The following NOP9 variants were observed in gnomAD, a reference collection of about 807,000 sequenced individuals.
The protein encoded by NOP9 is nucleolar protein 9.
A neutral mutation model predicts 63.0 loss-of-function variants in NOP9; 50 were observed. That is an observed-to-expected ratio of 0.79 (90% CI 0.63 to 1.00). NOP9 has a LOEUF of 1.00. Among genes scored for constraint, NOP9 ranks in the 50% least tolerant of loss-of-function variants. NOP9 has a pLI of 0.00. For synonymous variants in NOP9, 343 were observed against 332.8 expected, an observed-to-expected ratio of 1.03 and a Z score of -0.33; for missense variants, 758 against 803.0, an observed-to-expected ratio of 0.94 and a Z score of 0.68.
chr14:24,303,246 C>T (rs756270444), intron 6 of NOP9, 32 bp downstream of exon 6: 10 of 1,613,274 alleles, frequency 6.2e-6, no homozygotes, highest in Non-Finnish European at 1.7e-6. Flanking sequence ...TCTGTTTATG[C>T]CCTCAGTTCA....
the NOP9 span, among the ~76,000 whole-genome samples, chr14:24,278,636 G>T: frequency 2.0e-5 from 3 of 152,312 alleles, no homozygotes; most frequent in Middle Eastern, 6.8e-3. Flanking sequence ...GTGAGGGGTG[G>T]AATAACGATA....
chr14:24,300,060 A>T lies in NOP9; in HGVS notation c.106A>T (p.Lys36Ter), dbSNP rs1213949563. The change falls in exon 1 of 10, where the codon AAG (lysine) becomes TAG (stop). Residue 36 changes from lysine to a stop codon, truncating the protein, a stop_gained. Transcript: ENST00000267425. LOFTEE classifies it high-confidence loss of function. ...GTCGGGGCGCCCCTTACCAGGCCGTAAGCGGCAACCCTGGCCGCCTCCGGA... is the reference window on the plus strand; with the variant it reads ...GTCGGGGCGCCCCTTACCAGGCCGTTAGCGGCAACCCTGGCCGCCTCCGGA... ...KGSGRPLPGR[K>*]RQPWPPPDGR... The T allele has an allele frequency of 6.2e-7, 1 of 1,612,282 alleles. No individual in the cohort carries two copies. The highest frequency in any genetic ancestry group is 1.7e-5 in the Admixed American group (1 of 60,000).
upstream of NOP9, among the ~76,000 whole-genome samples, chr14:24,296,208 C>T (rs140251079): frequency 2.6e-3 from 390 of 152,284 alleles, 2 homozygotes; most frequent in Middle Eastern, 6.8e-3. Flanking sequence ...ACAGGCTGTG[C>T]GCATTACTGA....
the NOP9 span, among the ~76,000 whole-genome samples, chr14:24,280,751 C>T: frequency 2.0e-5 from 3 of 152,128 alleles, no homozygotes; most frequent in African/African-American, 7.2e-5. Flanking sequence ...CTAAGTGCCC[C>T]TGAGGGAAAT....
the NOP9 span, chr14:24,291,162 C>T: frequency 6.2e-6 from 10 of 1,614,160 alleles, no homozygotes; most frequent in South Asian, 1.1e-5. Flanking sequence ...AAGGCCATAG[C>T]GTCGAGCAAG....
chr14:24,272,553 A>G, the NOP9 span, among the ~76,000 whole-genome samples: 2 of 152,172 alleles, frequency 1.3e-5, no homozygotes, highest in Non-Finnish European at 2.9e-5. Flanking sequence ...TCTCCACCTC[A>G]TCCCTTGTTA....
In NOP9 at chr14:24,304,496, C is replaced by T; in HGVS notation, c.1651C>T (p.Gln551Ter). ...RRRVLQNLKG[Q>*]YVALACSRHG... The stretch of plus-strand genomic sequence containing the variant: ...TACTTTGCTTGTCTCCATACAGGGA[C>T]AATATGTGGCTCTGGCCTGTAGTCG... Residue 551 changes from glutamine (Q) to a stop codon, truncating the protein, a stop_gained, in exon 9 of 10, where the codon CAA becomes TAA. Coordinates refer to ENST00000267425, the MANE Select transcript of NOP9 (RefSeq NM_174913.3). LOFTEE classifies it high-confidence loss of function. The T allele has an allele frequency of 1.2e-6, 2 of 1,607,826 alleles. No individual in the cohort carries two copies. The highest frequency in any genetic ancestry group is 1.3e-5 in the African/African-American group (1 of 74,596).
the NOP9 span, among the ~76,000 whole-genome samples, chr14:24,284,488 G>A: frequency 6.6e-6 from 1 of 152,110 alleles, no homozygotes; most frequent in Non-Finnish European, 1.5e-5. Context: ...GAGGAGCAGT[G>A]CAAGGAGGGG....
chr14:24,299,080 C>T (rs2041318361), upstream of NOP9: 4 of 1,613,826 alleles, frequency 2.5e-6, no homozygotes, highest in Non-Finnish European at 3.4e-6. Context: ...TCACCACACA[C>T]ACTTGGCCAT....
chr14:24,304,341 C>T (rs2041437770), intron 8 of NOP9, 64 bp downstream of exon 8: 14 of 1,427,246 alleles, frequency 9.8e-6, no homozygotes, highest in Non-Finnish European at 1.3e-5. Flanking sequence ...TGAGCTTTCC[C>T]TGGACTGTAC....
chr14:24,280,348 T>C, the NOP9 span, among the ~76,000 whole-genome samples: 1 of 152,068 alleles, frequency 6.6e-6, no homozygotes, highest in African/African-American at 2.4e-5. Flanking sequence ...GAGTGGGAGC[T>C]GGGGCTGTAG....
At chr14:24,292,906 G>A in the NOP9 span, 3 of 1,327,392 alleles carry the variant, frequency 2.3e-6, no homozygotes, top group African/African-American at 1.5e-5. Flanking sequence ...TACACAGGGT[G>A]GGTTAGCGAC....
chr14:24,299,147 T>C (rs371494896), upstream of NOP9: 3 of 1,592,832 alleles, frequency 1.9e-6, no homozygotes, highest in Non-Finnish European at 2.6e-6. Flanking sequence ...AAGCAAAGAC[T>C]TACTCTGAGG....
chr14:24,305,839 G>C lies in NOP9; in HGVS notation c.*744G>C, dbSNP rs1248286939. The C allele has an allele frequency of 5.7e-6, 9 of 1,592,446 alleles. No homozygotes were observed. The highest frequency in any genetic ancestry group is 6.0e-6 in the Non-Finnish European group (7 of 1,167,436). ...GGAAGCCATCAAGCTGGGAGATGAG[G>C]ACTTTCCACAAGCAAGAGCTAACTA... On this transcript the variant is annotated 3_prime_UTR_variant, in exon 10 of 10. Transcript: ENST00000267425.
chr14:24,298,456 C>T (rs538793552), upstream of NOP9, among the ~76,000 whole-genome samples: 13 of 152,286 alleles, frequency 8.5e-5, no homozygotes, highest in African/African-American at 3.1e-4. Context: ...ATTTATTTAA[C>T]TGAAGTCTAG....
Position 24,307,414 on chromosome 14 carries a change from C to T in NOP9, c.*2319C>T, listed in dbSNP as rs768270500. 27 of 1,614,106 alleles carry T rather than the reference C, an allele frequency of 1.7e-5. No individual in the cohort carries two copies. Among genetic ancestry groups the T allele is most frequent in the South Asian group, 1.3e-4 (12 of 91,086 alleles). On this transcript the variant is annotated 3_prime_UTR_variant, in exon 10 of 10. Coordinates refer to ENST00000267425, the MANE Select transcript of NOP9 (RefSeq NM_174913.3). Reference sequence around the variant, plus strand: ...GCGGGTGGCAGCTGTCAGGCCTTTCCGGATGGTCCGCTTGTGATCACAGAC... The same window carrying T: ...GCGGGTGGCAGCTGTCAGGCCTTTCTGGATGGTCCGCTTGTGATCACAGAC...
chr14:24,301,004 C>G lies in NOP9; in HGVS notation c.697+147C>G, dbSNP rs60278346. 1,543 of 688,218 alleles carry G rather than the reference C, an allele frequency of 2.2e-3. 10 individuals carry two copies. In the African/African-American group the frequency reaches 0.025, roughly 11 times the overall value. The allele number at this position is 688,218 out of a possible 1,614,324, so 42.6% of individuals were successfully genotyped here. ...CTGTCCTAATCTGAACAGGGCTTAG[C>G]AAGCCAAAGATTAGTGTGTGCGGAG... On this transcript the variant is annotated intron_variant, in intron 2 of 9. Coordinates refer to ENST00000267425, the MANE Select transcript of NOP9 (RefSeq NM_174913.3).
At chr14:24,273,068 AGT>A in the NOP9 span, among the ~76,000 whole-genome samples, 1 of 152,002 alleles carries the variant, frequency 6.6e-6, no homozygotes, top group African/African-American at 2.4e-5. Flanking sequence ...GTGGCTAGTG[AGT>A]GTGTGTGTAC....
chr14:24,275,637 G>A, the NOP9 span, among the ~76,000 whole-genome samples: 1 of 152,226 alleles, frequency 6.6e-6, no homozygotes, highest in South Asian at 2.1e-4. Flanking sequence ...CAGAGAGTCT[G>A]GAGGGAGGAA....
Sources: gnomAD v4.1 joint callset for allele counts (sites outside exome capture counted in the v4.1 genomes callset) on GRCh38, gnomAD v4.1.1 for gene constraint, MANE v1.5 for transcripts, NCBI Gene and HGNC (gene_info 2026-07-23, HGNC 2026-07-21) for gene names.